Variants in AKT3 observed in about 807,000 individuals in gnomAD.
AKT3 encodes RAC-gamma serine/threonine-protein kinase.
In AKT3, 15 loss-of-function variants were observed where a neutral mutation model predicts 65.3. The ratio of observed to expected loss-of-function variants is 0.23; its 90% CI spans 0.15 to 0.35. The LOEUF is 0.35. Ranked by LOEUF, AKT3 falls within the 10% of genes least tolerant of loss-of-function variation. The pLI, the probability that AKT3 is intolerant of heterozygous loss-of-function variation, is 1.00. For missense variants in AKT3, 243 were observed against 576.5 expected (o/e 0.42, Z 5.92); for synonymous variants, 206 against 183.8 (o/e 1.12, Z -0.98).
At chr1:243,711,084 G>T (rs1301784755) in intron 2 of AKT3, among the ~76,000 whole-genome samples, 1 of 152,228 alleles carries the variant, frequency 6.6e-6, no homozygotes, top group Non-Finnish European at 1.5e-5. Context: ...ACTTTGGGAG[G>T]CCAAGGCGGG....
At chr1:243,819,479 T>TG (rs1693728276) in intron 2 of AKT3, among the ~76,000 whole-genome samples, 2 of 152,118 alleles carry the variant, frequency 1.3e-5, no homozygotes, top group South Asian at 4.1e-4. Context: ...GGTTTAGGAA[T>TG]GGAACTCTGC....
At chr1:243,532,592 G>A (rs1214483999) in intron 12 of AKT3, among the ~76,000 whole-genome samples, 1 of 152,146 alleles carries the variant, frequency 6.6e-6, no homozygotes, top group Non-Finnish European at 1.5e-5. Flanking sequence ...GTATTCATTA[G>A]GGACATTGGT....
intron 3 of AKT3, among the ~76,000 whole-genome samples, chr1:243,668,844 G>A (rs1682978607): frequency 1.3e-5 from 2 of 152,138 alleles, no homozygotes; most frequent in Non-Finnish European, 2.9e-5. Context: ...TGGGTATGGA[G>A]GAAAGTGAGA....
chr1:243,659,865 A>G (rs894264976), intron 4 of AKT3, among the ~76,000 whole-genome samples: 7 of 152,224 alleles, frequency 4.6e-5, no homozygotes, highest in African/African-American at 1.7e-4. Flanking sequence ...CACTAAAGTC[A>G]TATAGATTCA....
intron 2 of AKT3, among the ~76,000 whole-genome samples, chr1:243,842,573 C>T (rs1024987181): frequency 1.3e-5 from 2 of 152,032 alleles, no homozygotes; most frequent in African/African-American, 4.8e-5. Context: ...AATAAAAATA[C>T]GAAATTAAAC....
At chr1:243,583,177 TATATATATATATATATATACAC>T (rs1558632287) in intron 8 of AKT3, among the ~76,000 whole-genome samples, 20 of 112,476 alleles carry the variant, frequency 1.8e-4, no homozygotes, top group African/African-American at 4.4e-4. Context: ...TGTGTATATA[TATATATATATATATATATACAC>T]ACACACACAC....
At chr1:243,786,438 A>C (rs891877100) in intron 2 of AKT3, among the ~76,000 whole-genome samples, 2 of 152,186 alleles carry the variant, frequency 1.3e-5, no homozygotes, top group African/African-American at 4.8e-5. Context: ...TTCTACAGCT[A>C]TTTTAGGAAT....
chr1:243,563,079 T>C (rs1673908757), intron 10 of AKT3, among the ~76,000 whole-genome samples: 1 of 152,178 alleles, frequency 6.6e-6, no homozygotes, highest in Non-Finnish European at 1.5e-5. Context: ...TCTGTCTCCC[T>C]CCACTGAAAG....
At chr1:243,736,199 G>A (rs1687833150) in intron 2 of AKT3, among the ~76,000 whole-genome samples, 1 of 152,144 alleles carries the variant, frequency 6.6e-6, no homozygotes, top group Non-Finnish European at 1.5e-5. Context: ...CATTTCACTA[G>A]AAAACTGGAT....
At chr1:243,564,811 G>T (rs1053179399) in intron 9 of AKT3, among the ~76,000 whole-genome samples, 5 of 152,108 alleles carry the variant, frequency 3.3e-5, no homozygotes, top group Non-Finnish European at 4.4e-5. Flanking sequence ...AATGTGAAAA[G>T]TATATTAACA....
rs1694053867 is a variant in AKT3, at chr1:243,824,609, T to C, written c.46+18516A>G. On this transcript the variant is annotated intron_variant, in intron 2 of 13. Coordinates refer to ENST00000673466, the MANE Select transcript of AKT3 (RefSeq NM_005465.7). The stretch of plus-strand genomic sequence containing the variant: ...TGGGCAAAGAACATAAACAGACACT[T>C]TTCAAAAGAAGGCATACATGCAGCC... Among the ~76,000 whole-genome samples the C allele has an allele frequency of 1.3e-5, 2 of 152,040 alleles. 1 individual carries two copies. The highest frequency in any genetic ancestry group is 1.3e-4 in the Admixed American group (2 of 15,270).
intron 2 of AKT3, among the ~76,000 whole-genome samples, chr1:243,743,798 C>T (rs1195791280): frequency 6.6e-6 from 1 of 152,066 alleles, no homozygotes; most frequent in African/African-American, 2.4e-5. Context: ...TTGCTTACAC[C>T]CAGGAGTTTA....
At chr1:243,734,731 T>G (rs1471424621) in intron 2 of AKT3, among the ~76,000 whole-genome samples, 2 of 152,192 alleles carry the variant, frequency 1.3e-5, no homozygotes, top group Non-Finnish European at 2.9e-5. Context: ...TATTTTTCTT[T>G]CTTCAATAAT....
In AKT3 at chr1:243,740,046, G is replaced by T. The variant is rs1225550967; in HGVS notation, c.47-44330C>A. ...ATCAATCCACAGAGTAATCTTAGCT[G>T]CCCAAAATAGGCCAAAGGCATGTCC... On this transcript the variant is annotated intron_variant, in intron 2 of 13. Transcript: ENST00000673466. Among the ~76,000 whole-genome samples, 5 of 152,150 alleles carry T rather than the reference G, an allele frequency of 3.3e-5. No individual in the cohort carries two copies. In the East Asian group the frequency reaches 9.6e-4, roughly 29 times the overall value.
intron 12 of AKT3, among the ~76,000 whole-genome samples, chr1:243,528,640 C>T (rs1671317011): frequency 6.6e-6 from 1 of 152,200 alleles, no homozygotes; most frequent in South Asian, 2.1e-4. Context: ...CATTTTGCTG[C>T]AAAGGACATG....
At chr1:243,603,283 A>G (rs1298776763) in intron 8 of AKT3, among the ~76,000 whole-genome samples, 1 of 152,170 alleles carries the variant, frequency 6.6e-6, no homozygotes, top group Non-Finnish European at 1.5e-5. Context: ...ACCTTGTACC[A>G]AACCAGAAAA....
Position 243,646,237 on chromosome 1 carries a change from T to C in AKT3, c.285-200A>G, listed in dbSNP as rs138322250. On this transcript the variant is annotated intron_variant, in intron 4 of 13. Transcript: ENST00000673466. ...TTTCATTCACCACATGCCTAAAGTC[T>C]GTAGTAGCATTTTTTGGAAGTATGT... Among the ~76,000 whole-genome samples the C allele has an allele frequency of 5.9e-4, 90 of 152,188 alleles. 1 individual carries two copies. Among genetic ancestry groups the C allele is most frequent in the Admixed American group, 1.2e-3 (18 of 15,270 alleles).
At chr1:243,697,922 T>C (rs1250314077) in intron 2 of AKT3, among the ~76,000 whole-genome samples, 1 of 151,732 alleles carries the variant, frequency 6.6e-6, no homozygotes, top group African/African-American at 2.4e-5. Flanking sequence ...AGAGGATACG[T>C]AGATCAGTAT....
At chr1:243,749,635 A>G (rs1688680875) in intron 2 of AKT3, among the ~76,000 whole-genome samples, 1 of 152,156 alleles carries the variant, frequency 6.6e-6, no homozygotes, top group African/African-American at 2.4e-5. Context: ...TCTCTCTTGG[A>G]TCTTTCTGAA....
Sources: allele counts gnomAD v4.1 joint callset (sites outside exome capture counted in the v4.1 genomes callset), GRCh38; gene constraint gnomAD v4.1.1; transcripts MANE v1.5; gene names NCBI Gene and HGNC (gene_info 2026-07-23, HGNC 2026-07-21).